SYNDIG1: variants seen among roughly 807,000 people sequenced by gnomAD.
SYNDIG1 encodes synapse differentiation inducing 1, also known as synapse differentiation-inducing gene protein 1.
SYNDIG1 carries 9 observed loss-of-function variants against 19.4 expected under a neutral mutation model. That is an observed-to-expected ratio of 0.46 (90% confidence interval 0.28 to 0.81). The LOEUF (loss-of-function observed/expected upper bound fraction) is 0.81, where lower values mean the gene tolerates loss of function less well. Ranked by LOEUF, SYNDIG1 falls within the 30% of genes least tolerant of loss-of-function variation. The pLI is 0.12. For missense variants in SYNDIG1, 311 were observed against 343.3 expected, an observed-to-expected ratio of 0.91 and a Z score of 0.74; for synonymous variants, 141 against 145.9, an observed-to-expected ratio of 0.97 and a Z score of 0.24.
chr20:24,514,978 A>G (rs1315066184), intron 1 of SYNDIG1, among the ~76,000 whole-genome samples: 1 of 152,220 alleles, frequency 6.6e-6, no homozygotes, highest in African/African-American at 2.4e-5. Flanking sequence ...AACTCACTCA[A>G]AACAGCTCAA....
intron 1 of SYNDIG1, among the ~76,000 whole-genome samples, chr20:24,488,384 G>A (rs1478981095): frequency 6.6e-6 from 1 of 152,206 alleles, no homozygotes; most frequent in African/African-American, 2.4e-5. Context: ...GTGCCTTGTG[G>A]GGTGCCCCCA....
In SYNDIG1 at chr20:24,638,168, G is replaced by A. The variant is rs77951094; in HGVS notation, c.619-27178G>A. ...AAAGCAGCCAGCTCAAAGCTGCACT[G>A]TCAACTCATACCAAAGCTGGTCACC... On this transcript the variant is annotated intron_variant, in intron 3 of 3. Coordinates refer to ENST00000376862, the MANE Select transcript of SYNDIG1 (RefSeq NM_024893.3). Among the ~76,000 whole-genome samples, 26 of 152,334 alleles carry A rather than the reference G, an allele frequency of 1.7e-4. No homozygotes were observed. The East Asian group carries it at 3.9e-3, about 23-fold the overall frequency.
intron 1 of SYNDIG1, among the ~76,000 whole-genome samples, chr20:24,497,347 T>C (rs1361775702): frequency 6.6e-6 from 1 of 152,012 alleles, no homozygotes; most frequent in African/African-American, 2.4e-5. Flanking sequence ...ACTACAGGTG[T>C]GTACCACCAA....
At chr20:24,551,977 C>T (rs1326298) in intron 2 of SYNDIG1, among the ~76,000 whole-genome samples, 36,132 of 152,078 alleles carry the variant, frequency 0.24, 4,600 homozygotes, top group Admixed American at 0.34. Flanking sequence ...TATACAGATT[C>T]GCAAGGTCGT....
At chr20:24,640,489 G>GGAAA (rs1172289083) in intron 3 of SYNDIG1, among the ~76,000 whole-genome samples, 76 of 121,096 alleles carry the variant, frequency 6.3e-4, no homozygotes, top group African/African-American at 2.1e-3. Context: ...AAGGAAGGAA[G>GGAAA]GAAGGAAGGA....
chr20:24,507,855 A>G (rs939757195), intron 1 of SYNDIG1, among the ~76,000 whole-genome samples: 2 of 152,162 alleles, frequency 1.3e-5, no homozygotes, highest in Admixed American at 6.5e-5. Flanking sequence ...GGTCCCACTC[A>G]AGGAGCTCAT....
At chr20:24,556,386 G>A (rs1218239511) in intron 2 of SYNDIG1, among the ~76,000 whole-genome samples, 2 of 152,172 alleles carry the variant, frequency 1.3e-5, no homozygotes, top group African/African-American at 4.8e-5. Context: ...AGTTGATGCA[G>A]TTTCTTCCTA....
At chr20:24,626,860 G>A (rs923927935) in intron 3 of SYNDIG1, among the ~76,000 whole-genome samples, 6 of 151,410 alleles carry the variant, frequency 4.0e-5, no homozygotes, top group African/African-American at 1.2e-4. Flanking sequence ...GATCACTCAC[G>A]GTTAGGAGCT....
At chr20:24,614,154 C>G (rs2058892193) in intron 3 of SYNDIG1, among the ~76,000 whole-genome samples, 1 of 152,146 alleles carries the variant, frequency 6.6e-6, no homozygotes, top group Admixed American at 6.5e-5. Context: ...ACCACCATGC[C>G]CACCACACCT....
intron 1 of SYNDIG1, among the ~76,000 whole-genome samples, chr20:24,473,912 G>T (rs1486951740): frequency 3.3e-5 from 5 of 152,186 alleles, no homozygotes; most frequent in Admixed American, 6.5e-5. Flanking sequence ...AAGTGACGTG[G>T]TTTGTCTAAG....
chr20:24,472,302 C>T (rs913207175), intron 1 of SYNDIG1, among the ~76,000 whole-genome samples: 2 of 152,112 alleles, frequency 1.3e-5, no homozygotes, highest in African/African-American at 2.4e-5. Flanking sequence ...TCATGAAGGG[C>T]GTGAACACGA....
At chr20:24,606,790 G>A (rs1432952934) in intron 3 of SYNDIG1, among the ~76,000 whole-genome samples, 1 of 152,176 alleles carries the variant, frequency 6.6e-6, no homozygotes, top group African/African-American at 2.4e-5. Context: ...AAGAAGATTG[G>A]AGTCAGCAGA....
intron 3 of SYNDIG1, among the ~76,000 whole-genome samples, chr20:24,595,091 A>G (rs564571443): frequency 1.3e-5 from 2 of 152,158 alleles, no homozygotes; most frequent in African/African-American, 4.8e-5. Context: ...GTCTTATTCC[A>G]TTTCTCAAGG....
chr20:24,503,169 G>A lies in SYNDIG1; in HGVS notation c.-79+33416G>A, dbSNP rs1347806985. Among the ~76,000 whole-genome samples, 7 of 152,148 alleles carry A rather than the reference G, an allele frequency of 4.6e-5. No individual in the cohort carries two copies. The East Asian group carries it at 1.3e-3, about 29-fold the overall frequency. On this transcript the variant is annotated intron_variant, in intron 1 of 3. Coordinates refer to ENST00000376862, the MANE Select transcript of SYNDIG1 (RefSeq NM_024893.3). ...CTTCTTCTCTGTTGCTCCTTCCTGAGGACTGTGGGGGAAGGCAGGCGTCCC... is the reference window on the plus strand; with the variant it reads ...CTTCTTCTCTGTTGCTCCTTCCTGAAGACTGTGGGGGAAGGCAGGCGTCCC...
chr20:24,518,188 G>T (rs1030026985), intron 1 of SYNDIG1, among the ~76,000 whole-genome samples: 4 of 152,090 alleles, frequency 2.6e-5, no homozygotes, highest in Non-Finnish European at 5.9e-5. Flanking sequence ...CAAGAAAATG[G>T]ACTACATGGA....
At chr20:24,548,303 C>T (rs1490927805) in intron 2 of SYNDIG1, among the ~76,000 whole-genome samples, 1 of 152,178 alleles carries the variant, frequency 6.6e-6, no homozygotes, top group African/African-American at 2.4e-5. Context: ...ACTTCTGTTT[C>T]AGCATTATGC....
chr20:24,475,789 C>T (rs1191241146), intron 1 of SYNDIG1, among the ~76,000 whole-genome samples: 1 of 152,200 alleles, frequency 6.6e-6, no homozygotes, highest in Non-Finnish European at 1.5e-5. Flanking sequence ...CCCAATTCCT[C>T]ACCGTTTCCA....
chr20:24,575,046 C>T (rs1015706531), intron 2 of SYNDIG1, among the ~76,000 whole-genome samples: 1 of 152,218 alleles, frequency 6.6e-6, no homozygotes, highest in African/African-American at 2.4e-5. Flanking sequence ...GGATGTGCTT[C>T]CCCAGCCTCA....
At chr20:24,484,987 C>T (rs566234859) in intron 1 of SYNDIG1, among the ~76,000 whole-genome samples, 4 of 152,216 alleles carry the variant, frequency 2.6e-5, no homozygotes, top group South Asian at 2.1e-4. Flanking sequence ...ACTGGATTAG[C>T]GCTCCAGCCA....
Sources: gnomAD v4.1 joint callset for allele counts (sites outside exome capture counted in the v4.1 genomes callset) on GRCh38, gnomAD v4.1.1 for gene constraint, MANE v1.5 for transcripts, NCBI Gene and HGNC (gene_info 2026-07-23, HGNC 2026-07-21) for gene names.